The following RNF150 variants were observed in gnomAD, a reference collection of about 807,000 sequenced individuals.
RNF150 encodes ring finger protein 150.
Under a neutral mutation model 39.3 loss-of-function variants are expected in RNF150, and 24 were observed. The ratio of observed to expected loss-of-function variants is 0.61; its 90% CI spans 0.44 to 0.86. The LOEUF (loss-of-function observed/expected upper bound fraction) is 0.86. RNF150 is among the 40% of genes least tolerant of loss of function. The probability of loss-of-function intolerance (pLI) is 0.00; values close to 1 mark genes in which losing one functional copy is unlikely to be tolerated. For missense variants in RNF150, 502 were observed against 587.8 expected, an observed-to-expected ratio of 0.85 and a Z score of 1.51; for synonymous variants, 255 against 227.3, an observed-to-expected ratio of 1.12 and a Z score of -1.10.
chr4:141,097,607 T>G (rs1738842851), intron 1 of RNF150, among the ~76,000 whole-genome samples: 1 of 152,134 alleles, frequency 6.6e-6, no homozygotes, highest in Admixed American at 6.5e-5. Flanking sequence ...TAATACTAGA[T>G]ATTGTGCTGT....
At chr4:141,013,995 C>A (rs1225703902) in intron 1 of RNF150, among the ~76,000 whole-genome samples, 3 of 152,130 alleles carry the variant, frequency 2.0e-5, no homozygotes, top group Non-Finnish European at 2.9e-5. Flanking sequence ...CTCCCCTGAG[C>A]CCCCAGCCCA....
chr4:141,202,277 A>G (rs1728302762), intron 1 of RNF150, among the ~76,000 whole-genome samples: 1 of 152,138 alleles, frequency 6.6e-6, no homozygotes, highest in East Asian at 1.9e-4. Flanking sequence ...GTTGTTACAG[A>G]ATTCAAGTCT....
rs1728430024 is a variant in RNF150 at position 140,860,180 on chromosome 4, AAGTGCTCTGAAAGG to A, written c.*8067_*8080del. ...TTCTTTGTATTTCAAGAGGGATATA[AAGTGCTCTGAAAGG>A]AGTAGGGTAGGTGCCTGAGGTGGGG... On this transcript the variant is annotated 3_prime_UTR_variant, in exon 7 of 7. Transcript: ENST00000515673. 6.6e-6 allele frequency: 1 copy of A among 151,616 alleles called. No homozygotes were observed. Among genetic ancestry groups the A allele is most frequent in the Admixed American group, 6.6e-5 (1 of 15,220 alleles). 9.4% of individuals were successfully genotyped at this position (151,616 alleles called of 1,614,324 possible). A position where few individuals can be genotyped will look rare whatever the true frequency, so the allele number is the denominator to read the frequency against.
At chr4:141,185,843 C>T (rs1362955064) in intron 1 of RNF150, among the ~76,000 whole-genome samples, 1 of 151,908 alleles carries the variant, frequency 6.6e-6, no homozygotes. Flanking sequence ...TATTGATTTG[C>T]CATTTGTTGA....
chr4:140,942,584 C>T (rs1385516284), intron 4 of RNF150, among the ~76,000 whole-genome samples: 2 of 152,170 alleles, frequency 1.3e-5, no homozygotes, highest in African/African-American at 2.4e-5. Flanking sequence ...GAACTATATG[C>T]GGTATGAGTC....
intron 1 of RNF150, among the ~76,000 whole-genome samples, chr4:141,188,834 C>T (rs1400950973): frequency 7.9e-5 from 12 of 152,188 alleles, no homozygotes. Flanking sequence ...TGTCCTTTAG[C>T]TTGGAAGAGG....
At chr4:141,113,952 C>T (rs1178553567) in intron 1 of RNF150, among the ~76,000 whole-genome samples, 2 of 151,928 alleles carry the variant, frequency 1.3e-5, no homozygotes, top group South Asian at 2.1e-4. Flanking sequence ...ATAACTTCTT[C>T]GAAACCAAAA....
At chr4:141,209,934 G>A (rs1728436350) in intron 1 of RNF150, among the ~76,000 whole-genome samples, 1 of 152,104 alleles carries the variant, frequency 6.6e-6, no homozygotes, top group South Asian at 2.1e-4. Context: ...AGGATGCTCT[G>A]TGTCATGGTT....
intron 1 of RNF150, among the ~76,000 whole-genome samples, chr4:141,179,061 A>G (rs1727862025): frequency 1.3e-5 from 2 of 152,112 alleles, no homozygotes; most frequent in Non-Finnish European, 2.9e-5. Flanking sequence ...GTATAGAAAT[A>G]TATGTAAATG....
At chr4:140,993,894 T>A (rs1045792059) in intron 1 of RNF150, among the ~76,000 whole-genome samples, 1 of 152,178 alleles carries the variant, frequency 6.6e-6, no homozygotes, top group African/African-American at 2.4e-5. Flanking sequence ...TGACACCTAC[T>A]CATCGGAAAA....
At chr4:140,942,004 G>A (rs1463919103) in intron 4 of RNF150, among the ~76,000 whole-genome samples, 1 of 152,132 alleles carries the variant, frequency 6.6e-6, no homozygotes, top group Non-Finnish European at 1.5e-5. Flanking sequence ...GGGGAATGAA[G>A]AATTGCTGTT....
intron 1 of RNF150, among the ~76,000 whole-genome samples, chr4:141,211,932 G>T (rs1728475189): frequency 6.6e-6 from 1 of 152,132 alleles, no homozygotes; most frequent in African/African-American, 2.4e-5. Flanking sequence ...TAGAAGAATA[G>T]AATTTAACTA....
chr4:140,893,637 C>T (rs1159060867), intron 6 of RNF150, among the ~76,000 whole-genome samples: 1 of 152,114 alleles, frequency 6.6e-6, no homozygotes, highest in Non-Finnish European at 1.5e-5. Context: ...TCAGCACCTC[C>T]CTAAGAAGAG....
chr4:141,119,951 G>A (rs914664213), intron 1 of RNF150, among the ~76,000 whole-genome samples: 14 of 152,110 alleles, frequency 9.2e-5, no homozygotes, highest in African/African-American at 3.4e-4. Flanking sequence ...TTCAATATAA[G>A]GCAGAAAAAG....
intron 1 of RNF150, among the ~76,000 whole-genome samples, chr4:141,161,278 T>A (rs141281067): frequency 6.6e-6 from 1 of 152,310 alleles, no homozygotes; most frequent in Non-Finnish European, 1.5e-5. Flanking sequence ...TCTGTGGAAC[T>A]TTGAACTGGA....
intron 1 of RNF150, among the ~76,000 whole-genome samples, chr4:141,203,076 T>TAC (rs1553954894): frequency 0.038 from 5,013 of 133,004 alleles, 617 homozygotes; most frequent in African/African-American, 0.14. Flanking sequence ...TATATATATA[T>TAC]ACACACATAT....
chr4:141,019,774 C>T (rs768117689), intron 1 of RNF150, among the ~76,000 whole-genome samples: 8 of 152,038 alleles, frequency 5.3e-5, no homozygotes, highest in Admixed American at 1.3e-4. Context: ...CAGATGTTTC[C>T]GGCAGCAAGG....
At chr4:140,879,263 C>CA (rs997503394) in intron 6 of RNF150, among the ~76,000 whole-genome samples, 5 of 151,660 alleles carry the variant, frequency 3.3e-5, no homozygotes, top group Non-Finnish European at 4.4e-5. Context: ...TGTTTCCACA[C>CA]AAAAAAAATG....
chr4:141,197,335 A>G (rs1368698139), intron 1 of RNF150, among the ~76,000 whole-genome samples: 1 of 152,142 alleles, frequency 6.6e-6, no homozygotes, highest in African/African-American at 2.4e-5. Context: ...GAGTGTATCT[A>G]TTTCCTCCAT....
Sources: gnomAD v4.1 joint callset for allele counts (sites outside exome capture counted in the v4.1 genomes callset) on GRCh38, gnomAD v4.1.1 for gene constraint, MANE v1.5 for transcripts, NCBI Gene and HGNC (gene_info 2026-07-23, HGNC 2026-07-21) for gene names.